ELP3: variants seen among roughly 807,000 people sequenced by gnomAD.
ELP3 encodes elongator acetyltransferase complex subunit 3.
A neutral mutation model predicts 74.9 loss-of-function variants in ELP3; 56 were observed. The ratio of observed to expected loss-of-function variants is 0.75; its 90% CI spans 0.60 to 0.93. ELP3 has a LOEUF of 0.93. ELP3 is among the 40% of genes least tolerant of loss of function. The pLI is 0.00. For synonymous variants in ELP3, 222 were observed against 239.8 expected, an observed-to-expected ratio of 0.93 and a Z score of 0.68; for missense variants, 573 against 686.5, an observed-to-expected ratio of 0.83 and a Z score of 1.85.
intron 10 of ELP3, among the ~76,000 whole-genome samples, chr8:28,145,675 G>A (rs938500747): frequency 6.6e-6 from 1 of 152,328 alleles, no homozygotes; most frequent in South Asian, 2.1e-4. Flanking sequence ...CTAGGCTGGA[G>A]TGCAGTGGCA....
At chr8:28,166,319 A>G (rs1236162989) in intron 14 of ELP3, among the ~76,000 whole-genome samples, 1 of 152,256 alleles carries the variant, frequency 6.6e-6, no homozygotes, top group Admixed American at 6.5e-5. Flanking sequence ...ATTACTTCAC[A>G]GTAAGAAAAT....
At chr8:28,180,970 G>A (rs1278531081) in intron 14 of ELP3, among the ~76,000 whole-genome samples, 1 of 152,108 alleles carries the variant, frequency 6.6e-6, no homozygotes, top group East Asian at 1.9e-4. Flanking sequence ...CACTGGGGGA[G>A]TGTTATGACT....
intron 7 of ELP3, among the ~76,000 whole-genome samples, chr8:28,123,315 C>T (rs975174722): frequency 5.9e-5 from 9 of 152,090 alleles, no homozygotes; most frequent in Admixed American, 5.2e-4. Context: ...TCCAAATTTC[C>T]AGACAATGAG....
At chr8:28,165,105 TTCTTGTGA>T (rs1374945719) in intron 14 of ELP3, among the ~76,000 whole-genome samples, 1 of 152,150 alleles carries the variant, frequency 6.6e-6, no homozygotes, top group African/African-American at 2.4e-5. Context: ...CCAGTAGCTC[TTCTTGTGA>T]TCTAGGATAA....
In ELP3 at chr8:28,191,107, T is replaced by C. The variant is rs989778321; in HGVS notation, c.*1382T>C. 5.3e-5 allele frequency: 8 copies of C among 152,232 alleles called. No individual in the cohort carries two copies. The highest frequency in any genetic ancestry group is 1.7e-4 in the African/African-American group (7 of 41,452). 9.4% of individuals were successfully genotyped at this position (152,232 alleles called of 1,614,324 possible). A position where few individuals can be genotyped will look rare whatever the true frequency, so the allele number is the denominator to read the frequency against. On this transcript the variant is annotated 3_prime_UTR_variant, in exon 15 of 15. Coordinates refer to ENST00000256398, the MANE Select transcript of ELP3 (RefSeq NM_018091.6). ...GCATTTTACAAAGGTTTAAAGGAAT[T>C]GATTCCTCTGAAAGGGCCTGAAAAT...
chr8:28,122,012 A>G (rs559600961), intron 7 of ELP3, among the ~76,000 whole-genome samples: 16 of 152,346 alleles, frequency 1.1e-4, no homozygotes, highest in African/African-American at 3.8e-4. Flanking sequence ...AGTTTATTGA[A>G]AGGGTTTATC....
chr8:28,158,508 A>C, intron 11 of ELP3, 60 bp from the exon 12 acceptor site: 1 of 1,092,872 alleles, frequency 9.2e-7, no homozygotes, highest in Non-Finnish European at 1.4e-6. Flanking sequence ...ATTGGTTACC[A>C]GTTTTATATT....
chr8:28,152,411 A>T (rs1813674892), intron 10 of ELP3, among the ~76,000 whole-genome samples: 1 of 151,996 alleles, frequency 6.6e-6, no homozygotes, highest in Non-Finnish European at 1.5e-5. Flanking sequence ...TCTGTGAGTT[A>T]TTTTTTTCAC....
intron 10 of ELP3, among the ~76,000 whole-genome samples, chr8:28,142,104 A>G (rs1813263678): frequency 6.6e-6 from 1 of 152,228 alleles, no homozygotes; most frequent in Non-Finnish European, 1.5e-5. Context: ...CTGGCCTACC[A>G]ACAACTGAGA....
intron 7 of ELP3, among the ~76,000 whole-genome samples, chr8:28,124,262 A>G: frequency 6.6e-6 from 1 of 152,186 alleles, no homozygotes; most frequent in Non-Finnish European, 1.5e-5. Flanking sequence ...TGCTAAGTGA[A>G]TGCGGTGGAA....
Position 28,099,570 on chromosome 8 carries a change from T to A in ELP3, c.120-258T>A, listed in dbSNP as rs115018886. On this transcript the variant is annotated intron_variant, in intron 2 of 14. Coordinates refer to ENST00000256398, the MANE Select transcript of ELP3 (RefSeq NM_018091.6). ...GCACTATTCTGAACTAGATCTATAT[T>A]GTGTCATCGTCCAGGGACCCTTCTC... is the stretch of plus-strand genomic sequence containing the variant. 6.2e-3 allele frequency among the ~76,000 whole-genome samples: 944 copies of A among 152,308 alleles called. 15 individuals are homozygous for A. Among genetic ancestry groups the A allele is most frequent in the African/African-American group, 0.021 (884 of 41,556 alleles).
intron 14 of ELP3, among the ~76,000 whole-genome samples, chr8:28,169,830 C>T (rs1814449023): frequency 6.6e-6 from 1 of 152,152 alleles, no homozygotes; most frequent in African/African-American, 2.4e-5. Flanking sequence ...CTCCCAAGTT[C>T]ACTGTGCACT....
intron 14 of ELP3, 54 bp from the exon 15 acceptor site, chr8:28,189,595 C>A: frequency 1.3e-6 from 2 of 1,590,444 alleles, no homozygotes; most frequent in Non-Finnish European, 1.7e-6. Flanking sequence ...CACATGCCGA[C>A]TTTTGAGAAT....
intron 3 of ELP3, among the ~76,000 whole-genome samples, chr8:28,102,067 T>C (rs992029694): frequency 2.6e-5 from 4 of 152,246 alleles, no homozygotes; most frequent in African/African-American, 7.2e-5. Flanking sequence ...CCTCTAAAAG[T>C]TGATGTTTTC....
chr8:28,138,770 G>A (rs546049204), intron 10 of ELP3, among the ~76,000 whole-genome samples: 2 of 152,314 alleles, frequency 1.3e-5, no homozygotes, highest in South Asian at 2.1e-4. Context: ...CTTGCTTGAA[G>A]GTCAAAGGAC....
At chr8:28,137,335 G>A (rs986860528) in intron 9 of ELP3, among the ~76,000 whole-genome samples, 1 of 152,152 alleles carries the variant, frequency 6.6e-6, no homozygotes, top group Non-Finnish European at 1.5e-5. Context: ...CTGAAGAAGT[G>A]GCATTCAAAC....
intron 14 of ELP3, among the ~76,000 whole-genome samples, chr8:28,186,282 A>G (rs939054461): frequency 3.3e-5 from 5 of 152,196 alleles, no homozygotes; most frequent in Non-Finnish European, 7.3e-5. Flanking sequence ...CACAGTGTGA[A>G]TGTATTTAGC....
chr8:28,189,163 A>C (rs1220211230), intron 14 of ELP3, among the ~76,000 whole-genome samples: 2 of 152,244 alleles, frequency 1.3e-5, no homozygotes, highest in Non-Finnish European at 2.9e-5. Flanking sequence ...CCACAAGTGT[A>C]CCTTCGCTAC....
chr8:28,175,352 C>T (rs1199595798), intron 14 of ELP3, among the ~76,000 whole-genome samples: 1 of 152,068 alleles, frequency 6.6e-6, no homozygotes, highest in Non-Finnish European at 1.5e-5. Context: ...TAGATAAATT[C>T]AGTTGCATTA....
Sources: gnomAD v4.1 joint callset for allele counts (sites outside exome capture counted in the v4.1 genomes callset) on GRCh38, gnomAD v4.1.1 for gene constraint, MANE v1.5 for transcripts, NCBI Gene and HGNC (gene_info 2026-07-23, HGNC 2026-07-21) for gene names.